Variants in PPFIBP1 observed in about 807,000 individuals in gnomAD.
PPFIBP1 encodes the protein PPFIB scaffold protein 1.
A neutral mutation model predicts 137.8 loss-of-function variants in PPFIBP1; 112 were observed. The observed-to-expected ratio is 0.81, with a 90% CI of 0.70 to 0.95. The LOEUF is 0.95. PPFIBP1 is among the 40% of genes least tolerant of loss of function. The pLI, the probability that PPFIBP1 is intolerant of heterozygous loss-of-function variation, is 0.00. For missense variants in PPFIBP1, 1,083 were observed against 1,196.6 expected, an observed-to-expected ratio of 0.91 and a Z score of 1.40; for synonymous variants, 378 against 417.3, an observed-to-expected ratio of 0.91 and a Z score of 1.15.
At position 27,679,450 on chromosome 12, in the gene PPFIBP1, A is replaced by C; in HGVS notation, c.1616-39A>C. 1.9e-6 allele frequency: 3 copies of C among 1,569,336 alleles called. No individual in the cohort carries two copies. In the South Asian group the frequency reaches 3.5e-5, roughly 18 times the overall value. On this transcript the variant is annotated intron_variant, in intron 19 of 29. Transcript: ENST00000228425. Reference sequence around the variant, plus strand: ...AAGATTAACATCATGTTTATTCCATATTTTAAAATTCATTGTCTGCATTCT... The same window carrying C: ...AAGATTAACATCATGTTTATTCCATCTTTTAAAATTCATTGTCTGCATTCT...
intron 1 of PPFIBP1, among the ~76,000 whole-genome samples, chr12:27,551,647 G>A (rs1322023746): frequency 6.6e-6 from 1 of 152,190 alleles, no homozygotes; most frequent in Non-Finnish European, 1.5e-5. Context: ...GCTACGGCGT[G>A]TAGTCTCCGG....
chr12:27,591,397 A>G (rs2052502268), intron 2 of PPFIBP1, among the ~76,000 whole-genome samples: 1 of 152,164 alleles, frequency 6.6e-6, no homozygotes, highest in Non-Finnish European at 1.5e-5. Flanking sequence ...AAAGAAGTTG[A>G]CATTCAGTGG....
rs182293353 is a variant in PPFIBP1 at position 27,676,933 on chromosome 12, T to G, written c.1583-131T>G. The G allele has an allele frequency of 2.6e-3, 2,968 of 1,144,170 alleles. 12 individuals carry two copies. Among genetic ancestry groups the G allele is most frequent in the Middle Eastern group, 0.012 (63 of 5,222 alleles). 70.9% of individuals were successfully genotyped at this position (1,144,170 alleles called of 1,614,324 possible). A position where few individuals can be genotyped will look rare whatever the true frequency, so the allele number is the denominator to read the frequency against. On this transcript the variant is annotated intron_variant, in intron 18 of 29. Transcript: ENST00000228425. ...AGCCTGTGTGTAACATCAGAAGCAC[T>G]GTGTGCCGCATGCCTCTCCTCCACG... is the stretch of plus-strand genomic sequence containing the variant.
intron 26 of PPFIBP1, 34 bp from the exon 27 acceptor site, chr12:27,688,980 AC>A: frequency 6.3e-7 from 1 of 1,577,578 alleles, no homozygotes; most frequent in African/African-American, 1.4e-5. Context: ...ATTTGTGGTG[AC>A]TTTTGACAAG....
chr12:27,649,936 AT>A, intron 6 of PPFIBP1, 73 bp from the exon 7 acceptor site: 1 of 1,393,994 alleles, frequency 7.2e-7, no homozygotes, highest in Non-Finnish European at 9.9e-7. Flanking sequence ...GCTTTGTGCG[AT>A]CATAAATGAG....
chr12:27,576,677 G>C (rs556446385), intron 1 of PPFIBP1, among the ~76,000 whole-genome samples: 30 of 152,312 alleles, frequency 2.0e-4, no homozygotes, highest in African/African-American at 6.7e-4. Flanking sequence ...TTTGGTGTTA[G>C]ATCAGCTGTG....
Position 27,664,383 on chromosome 12 carries a change from C to T in PPFIBP1, c.928C>T (p.Arg310Ter), listed in dbSNP as rs1470555299. The change falls in exon 12 of 30, where the codon CGA (arginine) becomes TGA (stop). Residue 310 changes from arginine to a stop codon, truncating the protein, a stop_gained. Transcript: ENST00000228425. LOFTEE classifies it high-confidence loss of function. ...EEKDRKIEDLRQCLNRYKKMQ... is the reference protein window; with the variant it reads ...EEKDRKIEDL ...CTAGGATCGGAAAATAGAAGATCTT[C>T]GACAGTGCCTGAACAGGTACAAGAA... 9 of 1,611,278 alleles carry T rather than the reference C, an allele frequency of 5.6e-6. No homozygotes were observed. Among genetic ancestry groups the T allele is most frequent in the Admixed American group, 3.3e-5 (2 of 59,956 alleles).
intron 5 of PPFIBP1, among the ~76,000 whole-genome samples, chr12:27,647,441 T>TGC (rs2058593238): frequency 6.6e-6 from 1 of 152,102 alleles, no homozygotes; most frequent in Non-Finnish European, 1.5e-5. Flanking sequence ...ATAACTTCTG[T>TGC]ACATGCTGTC....
At chr12:27,683,262 C>T (rs1473737183) in intron 24 of PPFIBP1, among the ~76,000 whole-genome samples, 3 of 152,238 alleles carry the variant, frequency 2.0e-5, no homozygotes, top group African/African-American at 2.4e-5. Flanking sequence ...GACGGAGTTT[C>T]GCCATGTTGG....
rs771334360 is a variant in PPFIBP1 at position 27,691,727 on chromosome 12, T to G, written c.2686-22T>G. On this transcript the variant is annotated intron_variant, in intron 27 of 29. Coordinates refer to ENST00000228425, the MANE Select transcript of PPFIBP1 (RefSeq NM_003622.4). ...AATTTTATCAAATCCTTTGGATGTT[T>G]TTGTTTGCTTTTCTTTTAAAGCCAA... 37 of 1,592,166 alleles carry G rather than the reference T, an allele frequency of 2.3e-5. No individual in the cohort carries two copies. The Admixed American group carries it at 2.5e-4, about 11-fold the overall frequency.
intron 2 of PPFIBP1, among the ~76,000 whole-genome samples, chr12:27,612,717 T>C (rs4931195): frequency 0.99 from 150,232 of 152,216 alleles, 74,169 homozygotes; most frequent in East Asian, 1. Flanking sequence ...GTGACTGCTA[T>C]GTACCCTCTT....
chr12:27,618,423 T>C (rs2056000450), intron 2 of PPFIBP1, among the ~76,000 whole-genome samples: 1 of 152,202 alleles, frequency 6.6e-6, no homozygotes, highest in Admixed American at 6.5e-5. Context: ...GACAATCTAT[T>C]CTCTGAAGCT....
At chr12:27,580,614 G>A (rs543936212) in intron 2 of PPFIBP1, among the ~76,000 whole-genome samples, 54 of 152,002 alleles carry the variant, frequency 3.6e-4, no homozygotes, top group African/African-American at 1.2e-3. Context: ...CTTTATGAGC[G>A]TTTTCAGTTC....
At chr12:27,529,112 T>C (rs1944112657) in intron 1 of PPFIBP1, among the ~76,000 whole-genome samples, 1 of 152,228 alleles carries the variant, frequency 6.6e-6, no homozygotes, top group Non-Finnish European at 1.5e-5. Flanking sequence ...GTATCCGTCA[T>C]TCTGGCCAAG....
chr12:27,597,039 T>G (rs1000503597), intron 2 of PPFIBP1, among the ~76,000 whole-genome samples: 3 of 152,222 alleles, frequency 2.0e-5, no homozygotes, highest in African/African-American at 7.2e-5. Flanking sequence ...TCTGGTTTCT[T>G]GGAAGAAAAT....
At chr12:27,544,272 T>C (rs996418427) in intron 1 of PPFIBP1, among the ~76,000 whole-genome samples, 2 of 152,156 alleles carry the variant, frequency 1.3e-5, no homozygotes, top group African/African-American at 4.8e-5. Context: ...ACAAACTTGG[T>C]ACTGACTTGA....
At chr12:27,589,794 T>C (rs2052267720) in intron 2 of PPFIBP1, among the ~76,000 whole-genome samples, 2 of 152,264 alleles carry the variant, frequency 1.3e-5, no homozygotes, top group South Asian at 4.1e-4. Flanking sequence ...GCAAGTCTTT[T>C]GAGAGTAAGA....
Position 27,682,386 on chromosome 12 carries a change from G to C in PPFIBP1, c.2047-1G>C. On this transcript the variant is annotated splice_acceptor_variant, in intron 22 of 29. Transcript: ENST00000228425. LOFTEE classifies it high-confidence loss of function. ...TATAAAGTCAATGTTTATTGTTTCA[G>C]GAACTTGGAATCAAGCATTCACTTC... 2.5e-6 allele frequency: 4 copies of C among 1,601,638 alleles called. No homozygotes were observed. The highest frequency in any genetic ancestry group is 3.4e-6 in the Non-Finnish European group (4 of 1,168,778).
At chr12:27,590,654 G>T (rs1427359095) in intron 2 of PPFIBP1, among the ~76,000 whole-genome samples, 1 of 152,166 alleles carries the variant, frequency 6.6e-6, no homozygotes, top group East Asian at 1.9e-4. Context: ...TTGCCTGAGG[G>T]ATCAATATTG....
Sources: gnomAD v4.1 joint callset for allele counts (sites outside exome capture counted in the v4.1 genomes callset) on GRCh38, gnomAD v4.1.1 for gene constraint, MANE v1.5 for transcripts, NCBI Gene and HGNC (gene_info 2026-07-23, HGNC 2026-07-21) for gene names.